The following NUCB1 variants were observed in gnomAD, a reference collection of about 807,000 sequenced individuals.
The protein encoded by NUCB1 is nucleobindin-1.
In NUCB1, 47 loss-of-function variants were observed where a neutral mutation model predicts 61.2. The observed-to-expected ratio is 0.77, with a 90% confidence interval of 0.61 to 0.98. The LOEUF is 0.98. Ranked by LOEUF, NUCB1 falls within the 50% of genes least tolerant of loss-of-function variation. The pLI is 0.00. For synonymous variants in NUCB1, 234 were observed against 243.1 expected (o/e 0.96, Z 0.35); for missense variants, 583 against 605.3 (o/e 0.96, Z 0.39).
rs759216941 is a variant in NUCB1 at position 48,921,285 on chromosome 19, C to T, written c.1134C>T (p.Ser378=). The T allele has an allele frequency of 5.0e-6, 8 of 1,599,868 alleles. No homozygotes were observed. The highest frequency in any genetic ancestry group is 6.8e-6 in the Non-Finnish European group (8 of 1,173,980). The change falls in exon 11 of 13, where the codon TCC becomes TCT. Residue 378 remains serine, a synonymous_variant. Coordinates refer to ENST00000405315, the MANE Select transcript of NUCB1 (RefSeq NM_006184.6). ...AGGAGACAGAGGCTCTAGGGCGGTC[C>T]CAGGGCCGCCTGGAGGCCCAGAAGA... is the stretch of plus-strand genomic sequence containing the variant. ...LSQETEALGR[S]QGRLEAQKRE... is the part of the protein sequence containing the mutation.
At chr19:48,919,448 G>T (rs1309572550) in intron 10 of NUCB1, among the ~76,000 whole-genome samples, 162 bp downstream of exon 10, 1 of 143,138 alleles carries the variant, frequency 7.0e-6, no homozygotes, top group Non-Finnish European at 1.5e-5. Flanking sequence ...CTGTCTCTAG[G>T]ACTCTTATTT....
intron 4 of NUCB1, 112 bp downstream of exon 4, chr19:48,905,997 C>G (rs939429658): frequency 1.5e-5 from 17 of 1,115,050 alleles, no homozygotes; most frequent in South Asian, 1.0e-4. Context: ...CTCCCCGCTG[C>G]GAAATGTGCT....
rs1036340286 is a variant in NUCB1, at chr19:48,905,997, CGAAATGTGCT to C, written c.376+122_376+131del. On this transcript the variant is annotated intron_variant, in intron 4 of 12. Coordinates refer to ENST00000405315, the MANE Select transcript of NUCB1 (RefSeq NM_006184.6). The stretch of plus-strand genomic sequence containing the variant: ...GCAGGTGAGGCCTCCCTCCCCGCTG[CGAAATGTGCT>C]GAAATGTGCGTGGGAGATTGCCCCA... The C allele has an allele frequency of 2.7e-5, 30 of 1,115,170 alleles. No homozygotes were observed. The East Asian group carries it at 4.6e-4, about 17-fold the overall frequency. 69.1% of individuals were successfully genotyped at this position (1,115,170 alleles called of 1,614,324 possible).
chr19:48,913,085 C>T lies in NUCB1; in HGVS notation c.555C>T (p.His185=), dbSNP rs147930306. ...EFKRYEMLKE[H]ERRRYLESLG... The stretch of plus-strand genomic sequence containing the variant: ...AGCGCTACGAGATGCTTAAGGAACA[C>T]GAGAGACGGCGTTATCTGGAGTCAC... Residue 185 remains histidine, a synonymous_variant, in exon 6 of 13, where the codon CAC becomes CAT. Transcript: ENST00000405315. The T allele has an allele frequency of 2.2e-3, 3,566 of 1,613,550 alleles. 14 individuals are homozygous for T. Among genetic ancestry groups the T allele is most frequent in the Middle Eastern group, 8.7e-3 (53 of 6,062 alleles).
rs376743129 is a variant in NUCB1 at position 48,905,475 on chromosome 19, G to A, written c.244-278G>A. ...CTGATCTTGAGATCCTCCCACCTCA[G>A]CCTCCCAAAGTGCTGGGATTACAGG... On this transcript the variant is annotated intron_variant, in intron 3 of 12. Transcript: ENST00000405315. 1.9e-4 allele frequency among the ~76,000 whole-genome samples: 29 copies of A among 152,178 alleles called. 1 individual carries two copies. In the South Asian group the frequency reaches 3.3e-3, roughly 17 times the overall value.
At chr19:48,904,038 G>T (rs1236182165) in intron 2 of NUCB1, among the ~76,000 whole-genome samples, 5 of 151,410 alleles carry the variant, frequency 3.3e-5, no homozygotes, top group African/African-American at 9.7e-5. Context: ...GGGATGTATG[G>T]ATGGATGGGT....
At chr19:48,904,255 C>T in intron 2 of NUCB1, 92 bp from the exon 3 acceptor site, 1 of 767,196 alleles carries the variant, frequency 1.3e-6, no homozygotes, top group African/African-American at 1.7e-5. Context: ...CCCTTGTCAG[C>T]TGCCCCAGGG....
intron 11 of NUCB1, 45 bp downstream of exon 11, chr19:48,921,369 CCCGTGT>C: frequency 1.3e-6 from 2 of 1,548,090 alleles, no homozygotes; most frequent in Non-Finnish European, 1.7e-6. Context: ...TCTCTGGCTG[CCCGTGT>C]CCGTGTCCCC....
In NUCB1 at chr19:48,919,194, G is replaced by A; in HGVS notation, c.910G>A (p.Val304Met). The A allele has an allele frequency of 6.2e-7, 1 of 1,614,154 alleles. No individual in the cohort carries two copies. The highest frequency in any genetic ancestry group is 8.5e-7 in the Non-Finnish European group (1 of 1,180,000). ...CACTCACCCTTATCTGGCTCCCCAG[G>A]TGGACACCAACCAGGACCGCCTCGT... Reference protein sequence around the residue: ...LRMREHVMKNVDTNQDRLVTL... With the variant: ...LRMREHVMKNMDTNQDRLVTL... The change falls in exon 10 of 13, where the codon GTG (valine) becomes ATG (methionine). Residue 304 changes from valine (V) to methionine (M), a missense_variant and splice_region_variant. By Grantham distance (21) the Val-to-Met change is conservative (BLOSUM62 1). Transcript: ENST00000405315.
chr19:48,907,186 GGATGGTCTT>G (rs1250884713), intron 4 of NUCB1, among the ~76,000 whole-genome samples: 1 of 151,564 alleles, frequency 6.6e-6, no homozygotes, highest in Non-Finnish European at 1.5e-5. Context: ...GTATTAGCCA[GGATGGTCTT>G]GATCTCTAAC....
intron 3 of NUCB1, 70 bp from the exon 4 acceptor site, chr19:48,905,683 G>T (rs2037402414): frequency 6.3e-7 from 1 of 1,585,198 alleles, no homozygotes; most frequent in Admixed American, 1.7e-5. Flanking sequence ...GCATGAGAAA[G>T]CTTATAAGAA....
chr19:48,903,982 T>C (rs112948981), intron 2 of NUCB1, among the ~76,000 whole-genome samples: 14,955 of 103,048 alleles, frequency 0.15, 869 homozygotes, highest in South Asian at 0.21. Context: ...GGATGGATGA[T>C]GGGTGGATAG....
intron 7 of NUCB1, among the ~76,000 whole-genome samples, chr19:48,917,812 T>TA (rs1311626798): frequency 6.6e-6 from 1 of 151,610 alleles, no homozygotes; most frequent in East Asian, 1.9e-4. Context: ...TTTACTTTTT[T>TA]TTTTTTTTTT....
intron 11 of NUCB1, 110 bp from the exon 12 acceptor site, chr19:48,921,717 C>A: frequency 9.9e-7 from 1 of 1,012,496 alleles, no homozygotes; most frequent in Non-Finnish European, 1.5e-6. Flanking sequence ...AGGGGTTGGC[C>A]GTGACCACTT....
intron 4 of NUCB1, among the ~76,000 whole-genome samples, chr19:48,906,569 A>T (rs943391093): frequency 6.6e-6 from 1 of 152,008 alleles, no homozygotes; most frequent in Non-Finnish European, 1.5e-5. Context: ...AAAAAATATT[A>T]AAAAATAAGC....
At chr19:48,918,842 C>T in intron 8 of NUCB1, 58 bp downstream of exon 8, 6 of 1,489,200 alleles carry the variant, frequency 4.0e-6, no homozygotes, top group Non-Finnish European at 4.7e-6. Context: ...CCACTTGTTT[C>T]CTCCTGCAGT....
chr19:48,915,125 G>A (rs2037524366), intron 7 of NUCB1, among the ~76,000 whole-genome samples: 2 of 152,056 alleles, frequency 1.3e-5, no homozygotes, highest in Non-Finnish European at 2.9e-5. Flanking sequence ...AATAAATAAA[G>A]ATACATCCCT....
intron 7 of NUCB1, 85 bp from the exon 8 acceptor site, chr19:48,918,641 A>G (rs749352941): frequency 9.2e-7 from 1 of 1,085,948 alleles, no homozygotes; most frequent in Non-Finnish European, 1.4e-6. Context: ...AACAGACCCC[A>G]CATCAGCCCA....
In NUCB1 at chr19:48,922,495, C is replaced by G; in HGVS notation, c.*71C>G. 7.6e-7 allele frequency: 1 copy of G among 1,309,016 alleles called. No individual in the cohort carries two copies. The allele number at this position is 1,309,016 out of a possible 1,614,324, so 81.1% of individuals were successfully genotyped here. Reference sequence around the variant, plus strand: ...CTGATGGGCGCTGGATGAAGTGGCACAGTCAGCTTCCCTGGGGGCTGGTGT... The same window carrying G: ...CTGATGGGCGCTGGATGAAGTGGCAGAGTCAGCTTCCCTGGGGGCTGGTGT... On this transcript the variant is annotated 3_prime_UTR_variant, in exon 13 of 13. Coordinates refer to ENST00000405315, the MANE Select transcript of NUCB1 (RefSeq NM_006184.6).
Sources: allele counts gnomAD v4.1 joint callset (sites outside exome capture counted in the v4.1 genomes callset), GRCh38; gene constraint gnomAD v4.1.1; transcripts MANE v1.5; gene names NCBI Gene and HGNC (gene_info 2026-07-23, HGNC 2026-07-21).